The following NPY2R variants were observed in gnomAD, a reference collection of about 807,000 sequenced individuals.
The protein encoded by NPY2R is neuropeptide Y receptor Y2.
Under a neutral mutation model 22.3 loss-of-function variants are expected in NPY2R, and 17 were observed. The ratio of observed to expected loss-of-function variants is 0.76; its 90% CI spans 0.52 to 1.14. The LOEUF (loss-of-function observed/expected upper bound fraction) is 1.14. Ranked by LOEUF, NPY2R falls within the 50% of genes most tolerant of loss-of-function variation. The probability of loss-of-function intolerance (pLI) is 0.00; values close to 1 mark genes in which losing one functional copy is unlikely to be tolerated. For synonymous variants in NPY2R, 209 were observed against 183.4 expected, an observed-to-expected ratio of 1.14 and a Z score of -1.13; for missense variants, 424 against 467.9, an observed-to-expected ratio of 0.91 and a Z score of 0.87.
At chr4:155,213,777 C>G (rs972945421) in intron 1 of NPY2R, 115 bp from the exon 2 acceptor site, 1 of 657,458 alleles carries the variant, frequency 1.5e-6, no homozygotes, top group Non-Finnish European at 2.7e-6. Flanking sequence ...ATTTTGATCC[C>G]TAACCAAAAT....
At chr4:155,180,691 C>A in the NPY2R span, among the ~76,000 whole-genome samples, 771 of 151,820 alleles carry the variant, frequency 5.1e-3, 10 homozygotes, top group African/African-American at 0.018. Flanking sequence ...ACTATTTTTT[C>A]TTTGCAAAGT....
At chr4:155,176,076 C>G in the NPY2R span, among the ~76,000 whole-genome samples, 444 of 152,242 alleles carry the variant, frequency 2.9e-3, 1 homozygote, top group African/African-American at 0.01. Flanking sequence ...AAAACTTGTC[C>G]GATCACCACA....
At chr4:155,204,570 A>G (rs1449916808), upstream of NPY2R, among the ~76,000 whole-genome samples, 1 of 152,166 alleles carries the variant, frequency 6.6e-6, no homozygotes, top group Non-Finnish European at 1.5e-5. Flanking sequence ...TATATCCAAG[A>G]TCATTTCTCA....
the NPY2R span, among the ~76,000 whole-genome samples, chr4:155,198,570 G>GAT: frequency 1.4e-5 from 2 of 144,806 alleles, no homozygotes; most frequent in Non-Finnish European, 3.0e-5. Context: ...TAATATATTT[G>GAT]ATATATATAA....
chr4:155,174,464 A>T, the NPY2R span, among the ~76,000 whole-genome samples: 3 of 101,650 alleles, frequency 3.0e-5, no homozygotes, highest in Non-Finnish European at 5.5e-5. Context: ...GCTAAGCTTT[A>T]TATATATATA....
At chr4:155,186,062 A>G in the NPY2R span, among the ~76,000 whole-genome samples, 1 of 152,296 alleles carries the variant, frequency 6.6e-6, no homozygotes, top group East Asian at 1.9e-4. Flanking sequence ...ACATGTGTTA[A>G]CAACTATGCC....
At chr4:155,185,045 T>TATATA in the NPY2R span, among the ~76,000 whole-genome samples, 157 of 54,384 alleles carry the variant, frequency 2.9e-3, 1 homozygote, top group African/African-American at 7.0e-3. Context: ...TATATATATA[T>TATATA]TTTTTTTTTC....
chr4:155,214,198 T>C lies in NPY2R; in HGVS notation c.259T>C (p.Phe87Leu). ...CAAGAGCATGCGCACAGTAACCAAC[T>C]TTTTCATTGCCAATCTGGCTGTGGC... ...KFKSMRTVTN[F>L]FIANLAVADL... Residue 87 changes from phenylalanine (F) to leucine (L), a missense_variant, in exon 2 of 2, where the codon TTT becomes CTT. Coordinates refer to ENST00000329476, the MANE Select transcript of NPY2R (RefSeq NM_000910.4). 1 of 1,614,132 alleles carries C rather than the reference T, an allele frequency of 6.2e-7. No individual in the cohort carries two copies. Among genetic ancestry groups the C allele is most frequent in the Non-Finnish European group, 8.5e-7 (1 of 1,179,992 alleles).
upstream of NPY2R, chr4:155,207,775 T>C (rs1275333400): frequency 2.0e-5 from 3 of 152,140 alleles, no homozygotes; most frequent in Non-Finnish European, 2.9e-5. Flanking sequence ...ACGAGTGGCT[T>C]GGGTCAGGAT....
the NPY2R span, among the ~76,000 whole-genome samples, chr4:155,202,516 A>G: frequency 4.5e-4 from 69 of 152,182 alleles, no homozygotes; most frequent in Non-Finnish European, 8.7e-4. Context: ...GGTGCGTAAT[A>G]AAATCGTATA....
At chr4:155,185,669 AT>A in the NPY2R span, among the ~76,000 whole-genome samples, 26,461 of 146,418 alleles carry the variant, frequency 0.18, 2,368 homozygotes, top group South Asian at 0.29. Context: ...AAAGAAATGC[AT>A]TTTTTTTTTT....
rs2111051132 is a variant in NPY2R, at chr4:155,216,772, A to G, written c.*1687A>G. Reference sequence around the variant, plus strand: ...ATGTATATCTGTAATATATAATCAAATGATTCATTTTTCTGTTAGACTAGG... The same window carrying G: ...ATGTATATCTGTAATATATAATCAAGTGATTCATTTTTCTGTTAGACTAGG... On this transcript the variant is annotated 3_prime_UTR_variant, in exon 2 of 2. Coordinates refer to ENST00000329476, the MANE Select transcript of NPY2R (RefSeq NM_000910.4). 1 of 167,178 alleles carries G rather than the reference A, an allele frequency of 6.0e-6. No homozygotes were observed. Among genetic ancestry groups the G allele is most frequent in the East Asian group, 1.9e-4 (1 of 5,188 alleles). 10.4% of individuals were successfully genotyped at this position (167,178 alleles called of 1,614,324 possible). A position where few individuals can be genotyped will look rare whatever the true frequency, so the allele number is the denominator to read the frequency against.
upstream of NPY2R, among the ~76,000 whole-genome samples, chr4:155,205,073 A>C (rs762348923): frequency 6.6e-6 from 1 of 152,194 alleles, no homozygotes; most frequent in Non-Finnish European, 1.5e-5. Flanking sequence ...GTGCAGTTCA[A>C]ACTGTGCTGT....
At chr4:155,193,461 G>A in the NPY2R span, among the ~76,000 whole-genome samples, 2 of 151,862 alleles carry the variant, frequency 1.3e-5, no homozygotes, top group African/African-American at 4.8e-5. Context: ...TCAGAAATAA[G>A]GGCTCGCCTG....
At chr4:155,185,032 A>G in the NPY2R span, among the ~76,000 whole-genome samples, 2 of 96,618 alleles carry the variant, frequency 2.1e-5, no homozygotes, top group South Asian at 5.3e-4. Context: ...AGGTACAACT[A>G]TATATATATA....
At chr4:155,207,881 C>A (rs1729314590), upstream of NPY2R, 1 of 152,294 alleles carries the variant, frequency 6.6e-6, no homozygotes, top group South Asian at 2.1e-4. Context: ...CTATCCCTAT[C>A]CTAGCTTTTA....
chr4:155,189,311 A>G, the NPY2R span, among the ~76,000 whole-genome samples: 1 of 152,056 alleles, frequency 6.6e-6, no homozygotes. Context: ...CACCAAAGGC[A>G]TCCTGCACTA....
the NPY2R span, among the ~76,000 whole-genome samples, chr4:155,179,483 C>T: frequency 6.6e-6 from 1 of 152,142 alleles, no homozygotes; most frequent in African/African-American, 2.4e-5. Flanking sequence ...AGTCACTACC[C>T]TTGGGTTTAT....
At chr4:155,200,410 G>T in the NPY2R span, among the ~76,000 whole-genome samples, 44 of 152,260 alleles carry the variant, frequency 2.9e-4, 1 homozygote, top group South Asian at 7.7e-3. Flanking sequence ...GTTTGGGATT[G>T]TAAATTAGTT....
Sources: allele counts gnomAD v4.1 joint callset (sites outside exome capture counted in the v4.1 genomes callset), GRCh38; gene constraint gnomAD v4.1.1; transcripts MANE v1.5; gene names NCBI Gene and HGNC (gene_info 2026-07-23, HGNC 2026-07-21).